The following TMOD2 variants were observed in gnomAD, a reference collection of about 807,000 sequenced individuals.
The protein encoded by TMOD2 is tropomodulin 2, also known as tropomodulin-2.
Under a neutral mutation model 39.9 loss-of-function variants are expected in TMOD2, and 22 were observed. That is an observed-to-expected ratio of 0.55 (90% CI 0.39 to 0.79). The LOEUF (loss-of-function observed/expected upper bound fraction) is 0.79. Among genes scored for constraint, TMOD2 ranks in the 30% least tolerant of loss-of-function variants. The probability of loss-of-function intolerance (pLI) is 0.00; values close to 1 mark genes in which losing one functional copy is unlikely to be tolerated. For synonymous variants in TMOD2, 123 were observed against 146.1 expected, an observed-to-expected ratio of 0.84 and a Z score of 1.14; for missense variants, 386 against 413.3, an observed-to-expected ratio of 0.93 and a Z score of 0.57.
At chr15:51,794,026 G>T (rs2056030780) in intron 7 of TMOD2, among the ~76,000 whole-genome samples, 1 of 152,224 alleles carries the variant, frequency 6.6e-6, no homozygotes, top group Non-Finnish European at 1.5e-5. Flanking sequence ...GCAACTGCCT[G>T]ACCAAGATAC....
At chr15:51,774,201 CCA>C (rs1167767213) in intron 4 of TMOD2, among the ~76,000 whole-genome samples, 5 of 152,094 alleles carry the variant, frequency 3.3e-5, no homozygotes, top group African/African-American at 7.2e-5. Context: ...CTTGTTCTTC[CCA>C]CAGTCATTGT....
At chr15:51,776,123 C>T (rs1028236389) in intron 4 of TMOD2, among the ~76,000 whole-genome samples, 3 of 152,116 alleles carry the variant, frequency 2.0e-5, no homozygotes, top group African/African-American at 7.2e-5. Flanking sequence ...TGACCATTTG[C>T]CCTTTCTTGT....
chr15:51,775,592 T>TTTTTTTTTC, intron 4 of TMOD2, among the ~76,000 whole-genome samples: 1 of 144,442 alleles, frequency 6.9e-6, no homozygotes, highest in South Asian at 2.3e-4. Context: ...TTTTTTTTTT[T>TTTTTTTTTC]TTTGAGACGG....
chr15:51,767,484 G>T (rs1410189923), intron 2 of TMOD2, among the ~76,000 whole-genome samples: 1 of 152,116 alleles, frequency 6.6e-6, no homozygotes, highest in East Asian at 1.9e-4. Flanking sequence ...TTCTTGAAAA[G>T]CTAAGTCGCT....
chr15:51,791,834 A>G (rs368301957), intron 7 of TMOD2, among the ~76,000 whole-genome samples: 2 of 152,240 alleles, frequency 1.3e-5, no homozygotes, highest in South Asian at 2.1e-4. Context: ...CCCTTTCCTT[A>G]CAGCTTATAC....
intron 8 of TMOD2, among the ~76,000 whole-genome samples, chr15:51,799,962 C>G (rs1413671139): frequency 6.6e-6 from 1 of 152,134 alleles, no homozygotes; most frequent in Non-Finnish European, 1.5e-5. Context: ...CACTCTGTCC[C>G]TAGTTCCTTA....
At chr15:51,766,833 T>C (rs2055819450) in intron 2 of TMOD2, 1 of 254,534 alleles carries the variant, frequency 3.9e-6, no homozygotes, top group Non-Finnish European at 7.5e-6. Context: ...ACTAGTCTTG[T>C]TTAGGGGAAA....
Position 51,809,264 on chromosome 15 carries a change from G to A in TMOD2, c.*810G>A, listed in dbSNP as rs1029479517. The stretch of plus-strand genomic sequence containing the variant: ...TTTTCTAAATTTTAGTAAGAGAGAA[G>A]CTTTTAAAACAGTACATTCCTGAAT... On this transcript the variant is annotated 3_prime_UTR_variant, in exon 10 of 10. Transcript: ENST00000249700. The A allele has an allele frequency of 6.6e-6, 1 of 152,612 alleles. No individual in the cohort carries two copies. The highest frequency in any genetic ancestry group is 1.5e-5 in the Non-Finnish European group (1 of 68,030). The allele number at this position is 152,612 out of a possible 1,614,324, so 9.5% of individuals were successfully genotyped here.
intron 1 of TMOD2, among the ~76,000 whole-genome samples, chr15:51,753,126 T>C (rs951614007): frequency 6.6e-6 from 1 of 152,130 alleles, no homozygotes; most frequent in African/African-American, 2.4e-5. Flanking sequence ...GATCATTGTT[T>C]GAAAAAGAAA....
intron 7 of TMOD2, among the ~76,000 whole-genome samples, chr15:51,791,153 A>G (rs1365901347): frequency 6.6e-6 from 1 of 152,262 alleles, no homozygotes; most frequent in East Asian, 1.9e-4. Flanking sequence ...CAACTTCAGC[A>G]AAGTCTCAGG....
chr15:51,784,327 C>A (rs947541365), intron 7 of TMOD2: 1 of 151,876 alleles, frequency 6.6e-6, no homozygotes, highest in Admixed American at 6.5e-5. Context: ...TAGAAAAACG[C>A]AAGTTGTCTG....
At chr15:51,770,421 G>A (rs1439706247) in intron 3 of TMOD2, among the ~76,000 whole-genome samples, 1 of 152,122 alleles carries the variant, frequency 6.6e-6, no homozygotes, top group Non-Finnish European at 1.5e-5. Context: ...ATGTGATAGG[G>A]TCTTTTTTTT....
In TMOD2 at chr15:51,808,678, A is replaced by G. The variant is rs2141647422; in HGVS notation, c.*224A>G. On this transcript the variant is annotated 3_prime_UTR_variant, in exon 10 of 10. Transcript: ENST00000249700. ...ATGGGCACTTCTGGCAACTTGACAA[A>G]TGGACCGATGCAGATTTTAGAGAGT... The G allele has an allele frequency of 2.6e-6, 1 of 389,738 alleles. No homozygotes were observed. The highest frequency in any genetic ancestry group is 2.1e-5 in the African/African-American group (1 of 48,288). The allele number at this position is 389,738 out of a possible 1,614,324, so 24.1% of individuals were successfully genotyped here.
rs1024757180 is a variant in TMOD2, at chr15:51,814,687, A to C, written c.*6233A>C. 6.6e-6 allele frequency: 1 copy of C among 152,184 alleles called. No homozygotes were observed. The highest frequency in any genetic ancestry group is 1.5e-5 in the Non-Finnish European group (1 of 68,044). 9.4% of individuals were successfully genotyped at this position (152,184 alleles called of 1,614,324 possible). On this transcript the variant is annotated 3_prime_UTR_variant, in exon 10 of 10. Coordinates refer to ENST00000249700, the MANE Select transcript of TMOD2 (RefSeq NM_014548.4). ...TGACTTTGGGCAAGACTCTCCATCTATCTTGTCTTCATTTCATCTGTAAAA... is the reference window on the plus strand; with the variant it reads ...TGACTTTGGGCAAGACTCTCCATCTCTCTTGTCTTCATTTCATCTGTAAAA...
intron 9 of TMOD2, among the ~76,000 whole-genome samples, chr15:51,806,894 G>C (rs568455530): frequency 6.6e-6 from 1 of 152,268 alleles, no homozygotes; most frequent in South Asian, 2.1e-4. Context: ...GACTGCTTTG[G>C]TACTTAGTTC....
At chr15:51,782,630 C>T (rs2055938470) in intron 6 of TMOD2, 91 bp from the exon 7 acceptor site, 3 of 975,438 alleles carry the variant, frequency 3.1e-6, no homozygotes, top group Non-Finnish European at 4.8e-6. Flanking sequence ...TTTATCTACA[C>T]ATACCTGGTA....
At chr15:51,781,803 GGAGAGA>G (rs370122360) in intron 6 of TMOD2, among the ~76,000 whole-genome samples, 1 of 149,334 alleles carries the variant, frequency 6.7e-6, no homozygotes, top group Non-Finnish European at 1.5e-5. Context: ...GGAAAGAGTA[GGAGAGA>G]GAGAGAGAGA....
At chr15:51,756,339 G>T (rs189419042) in intron 1 of TMOD2, 9 of 152,340 alleles carry the variant, frequency 5.9e-5, no homozygotes. Context: ...CAGAGGGAAA[G>T]AACACCTAAA....
intron 1 of TMOD2, chr15:51,752,738 A>G (rs531465327): frequency 6.6e-6 from 1 of 152,252 alleles, no homozygotes; most frequent in South Asian, 2.1e-4. Flanking sequence ...CAGCACTACA[A>G]AAAGCCTAAT....
Sources: gnomAD v4.1 joint callset for allele counts (sites outside exome capture counted in the v4.1 genomes callset) on GRCh38, gnomAD v4.1.1 for gene constraint, MANE v1.5 for transcripts, NCBI Gene and HGNC (gene_info 2026-07-23, HGNC 2026-07-21) for gene names.